CFAP299: variants seen among roughly 807,000 people sequenced by gnomAD.
The protein encoded by CFAP299 is cilia and flagella associated protein 299.
CFAP299 carries 21 observed loss-of-function variants against 27.0 expected under a neutral mutation model. The observed-to-expected ratio is 0.78, with a 90% CI of 0.55 to 1.12. The LOEUF is 1.12. CFAP299 is among the 50% of genes most tolerant of loss of function. The pLI, the probability that CFAP299 is intolerant of heterozygous loss-of-function variation, is 0.00. For missense variants in CFAP299, 310 were observed against 276.6 expected (o/e 1.12, Z -0.86); for synonymous variants, 104 against 98.1 (o/e 1.06, Z -0.36).
chr4:80,742,059 T>G (rs190328928), intron 3 of CFAP299, among the ~76,000 whole-genome samples: 100 of 152,310 alleles, frequency 6.6e-4, no homozygotes, highest in African/African-American at 2.1e-3. Context: ...GCATGACTAC[T>G]GTGGGAGAGA....
At chr4:80,829,390 C>G (rs192698038) in intron 3 of CFAP299, among the ~76,000 whole-genome samples, 286 of 151,918 alleles carry the variant, frequency 1.9e-3, no homozygotes, top group Non-Finnish European at 3.4e-3. Flanking sequence ...TAATTTTCAC[C>G]CATTAGGATG....
intron 3 of CFAP299, among the ~76,000 whole-genome samples, chr4:80,625,466 C>T (rs1738840067): frequency 6.6e-6 from 1 of 151,804 alleles, no homozygotes; most frequent in Non-Finnish European, 1.5e-5. Flanking sequence ...GAGAAAGAGA[C>T]AGAAGATCTA....
chr4:80,715,820 T>C (rs1208468523), intron 3 of CFAP299, among the ~76,000 whole-genome samples: 1 of 152,020 alleles, frequency 6.6e-6, no homozygotes, highest in Non-Finnish European at 1.5e-5. Context: ...CACCATTTTA[T>C]TGATGGAAGT....
intron 2 of CFAP299, among the ~76,000 whole-genome samples, chr4:80,525,705 T>G (rs932802657): frequency 6.6e-6 from 1 of 152,134 alleles, no homozygotes. Flanking sequence ...TTCAGATCCT[T>G]GGCTTCCTCT....
chr4:80,356,105 AT>A (rs1723266023), intron 1 of CFAP299, among the ~76,000 whole-genome samples: 3 of 46,330 alleles, frequency 6.5e-5, no homozygotes, highest in Non-Finnish European at 1.2e-4. Context: ...TCCTTTCCCC[AT>A]TGTTTTTTTT....
chr4:80,324,247 C>CATGT, the CFAP299 span, among the ~76,000 whole-genome samples: 171 of 152,280 alleles, frequency 1.1e-3, no homozygotes, highest in Non-Finnish European at 2.2e-3. Flanking sequence ...TTTTATGCTA[C>CATGT]ATGTATACTT....
Position 80,386,512 on chromosome 4 carries a change from TGGGG to T in CFAP299, c.242+23637_242+23640del, listed in dbSNP as rs151251894. On this transcript the variant is annotated intron_variant, in intron 2 of 5. Transcript: ENST00000358105. ...GCTGCCCTCTTCTCGCGGGCGGTGG[TGGGG>T]GGGGGGGGTGCCGCCGGGTTTGCAG... 36 of 1,469,986 alleles carry T rather than the reference TGGGG, an allele frequency of 2.4e-5. No individual in the cohort carries two copies. The African/African-American group carries it at 3.6e-4, about 15-fold the overall frequency. 91.1% of individuals were successfully genotyped at this position (1,469,986 alleles called of 1,614,324 possible). A position where few individuals can be genotyped will look rare whatever the true frequency, so the allele number is the denominator to read the frequency against.
intron 2 of CFAP299, among the ~76,000 whole-genome samples, chr4:80,461,062 TG>T (rs1729413322): frequency 6.6e-6 from 1 of 152,166 alleles, no homozygotes; most frequent in Non-Finnish European, 1.5e-5. Flanking sequence ...GATTTTCTGA[TG>T]GGCAATTGGT....
At chr4:80,824,418 G>C (rs1001231826) in intron 3 of CFAP299, among the ~76,000 whole-genome samples, 12 of 152,074 alleles carry the variant, frequency 7.9e-5, no homozygotes, top group African/African-American at 2.9e-4. Flanking sequence ...TTTGTGCTCT[G>C]ATCACAGAAG....
intron 3 of CFAP299, among the ~76,000 whole-genome samples, chr4:80,737,363 A>T (rs1415837330): frequency 6.6e-6 from 1 of 152,092 alleles, no homozygotes; most frequent in African/African-American, 2.4e-5. Flanking sequence ...AAAGAATGGT[A>T]TTATTTCTTC....
intron 2 of CFAP299, among the ~76,000 whole-genome samples, chr4:80,381,024 A>C (rs1010101160): frequency 2.3e-4 from 35 of 151,920 alleles, no homozygotes; most frequent in Middle Eastern, 3.4e-3. Context: ...TCTCATTTAC[A>C]CCTCTTTTAT....
intron 3 of CFAP299, among the ~76,000 whole-genome samples, chr4:80,663,994 T>C (rs1577990537): frequency 6.6e-6 from 1 of 152,364 alleles, no homozygotes; most frequent in East Asian, 1.9e-4. Context: ...TGTTTTGTTC[T>C]CATAAATTTG....
intron 3 of CFAP299, among the ~76,000 whole-genome samples, chr4:80,823,099 A>T (rs1334696010): frequency 2.0e-5 from 3 of 152,174 alleles, no homozygotes; most frequent in Non-Finnish European, 4.4e-5. Flanking sequence ...TGTCTTAAAG[A>T]ATTCCACCTG....
chr4:80,867,209 T>C (rs1732795371), intron 3 of CFAP299, among the ~76,000 whole-genome samples: 1 of 152,262 alleles, frequency 6.6e-6, no homozygotes, highest in Non-Finnish European at 1.5e-5. Flanking sequence ...TATCATTATG[T>C]AGTGAAGCTC....
chr4:80,706,364 A>G (rs1261170206), intron 3 of CFAP299, among the ~76,000 whole-genome samples: 1 of 151,836 alleles, frequency 6.6e-6, no homozygotes, highest in Non-Finnish European at 1.5e-5. Context: ...CACTTATATT[A>G]AATCTTGGCC....
intron 3 of CFAP299, among the ~76,000 whole-genome samples, chr4:80,634,048 C>T (rs1391181067): frequency 7.1e-6 from 1 of 140,762 alleles, no homozygotes; most frequent in African/African-American, 2.7e-5. Context: ...GAGTGGCATA[C>T]TCTCGGCTCA....
the CFAP299 span, among the ~76,000 whole-genome samples, chr4:80,326,787 A>T: frequency 1.3e-5 from 2 of 152,318 alleles, no homozygotes; most frequent in South Asian, 4.1e-4. Flanking sequence ...CTTTTTAAAA[A>T]TATCAAATGA....
At chr4:80,649,584 A>G (rs924168152) in intron 3 of CFAP299, among the ~76,000 whole-genome samples, 31 of 152,162 alleles carry the variant, frequency 2.0e-4, no homozygotes, top group African/African-American at 7.2e-4. Context: ...ATTAAGAAAT[A>G]TTTATTTCCT....
At chr4:80,636,306 T>C (rs1739463768) in intron 3 of CFAP299, among the ~76,000 whole-genome samples, 1 of 152,114 alleles carries the variant, frequency 6.6e-6, no homozygotes, top group South Asian at 2.1e-4. Flanking sequence ...TATTAAAAGG[T>C]CATCTATGAG....
Sources: allele counts gnomAD v4.1 joint callset (sites outside exome capture counted in the v4.1 genomes callset), GRCh38; gene constraint gnomAD v4.1.1; transcripts MANE v1.5; gene names NCBI Gene and HGNC (gene_info 2026-07-23, HGNC 2026-07-21).